Variants in ALLC observed in about 807,000 individuals in gnomAD.
ALLC encodes allantoicase, also known as probable inactive allantoicase.
ALLC carries 40 observed loss-of-function variants against 45.0 expected under a neutral mutation model. The ratio of observed to expected loss-of-function variants is 0.89; its 90% CI spans 0.69 to 1.16. The LOEUF (loss-of-function observed/expected upper bound fraction) is 1.16. ALLC is among the 50% of genes most tolerant of loss of function. The pLI, the probability that ALLC is intolerant of heterozygous loss-of-function variation, is 0.00. For synonymous variants in ALLC, 176 were observed against 178.1 expected, an observed-to-expected ratio of 0.99 and a Z score of 0.09; for missense variants, 488 against 493.1, an observed-to-expected ratio of 0.99 and a Z score of 0.10.
chr2:3,671,045 C>T, intron 1 of ALLC, 51 bp from the exon 2 acceptor site: 1 of 1,097,426 alleles, frequency 9.1e-7, no homozygotes, highest in South Asian at 1.4e-5. Flanking sequence ...GACGGGGCCT[C>T]ACTCACTCCC....
upstream of ALLC, among the ~76,000 whole-genome samples, chr2:3,655,799 A>T (rs1455382493): frequency 6.6e-6 from 1 of 152,156 alleles, no homozygotes; most frequent in East Asian, 1.9e-4. Flanking sequence ...AATTAAAGGG[A>T]CAGCATTAAG....
chr2:3,651,628 C>A, the ALLC span, among the ~76,000 whole-genome samples: 3 of 151,888 alleles, frequency 2.0e-5, no homozygotes, highest in East Asian at 5.9e-4. Context: ...ACCGAAAGAG[C>A]AGTCAGGAGA....
chr2:3,669,074 C>T (rs1210895862), intron 1 of ALLC, among the ~76,000 whole-genome samples: 1 of 152,078 alleles, frequency 6.6e-6, no homozygotes, highest in African/African-American at 2.4e-5. Flanking sequence ...CAGTGGCTCA[C>T]ACATGTAATC....
chr2:3,672,994 G>T (rs1037851477), intron 2 of ALLC, among the ~76,000 whole-genome samples: 4 of 140,336 alleles, frequency 2.9e-5, no homozygotes, highest in African/African-American at 1.0e-4. Context: ...CCTGTGACTG[G>T]CACAATGCCA....
chr2:3,681,290 A>C (rs1667171826), intron 5 of ALLC, among the ~76,000 whole-genome samples: 1 of 152,200 alleles, frequency 6.6e-6, no homozygotes, highest in Non-Finnish European at 1.5e-5. Flanking sequence ...TAAGGATGCC[A>C]CTGGGAGAGG....
chr2:3,680,120 A>G lies in ALLC; in HGVS notation c.298+126A>G, dbSNP rs1667137654. 5 of 1,328,786 alleles carry G rather than the reference A, an allele frequency of 3.8e-6. No homozygotes were observed. In the South Asian group the frequency reaches 6.7e-5, roughly 18 times the overall value. 82.3% of individuals were successfully genotyped at this position (1,328,786 alleles called of 1,614,324 possible). On this transcript the variant is annotated intron_variant, in intron 5 of 11. Transcript: ENST00000252505. This position sits in a 1 kb window ranked among gnomAD's most constrained non-coding sequence, Gnocchi z 4.0. ...CAGCTTCAGGCGCTTGACTAAGGCTACTTTACTGTAACGGGGCTGTAGGAC... is the reference window on the plus strand; with the variant it reads ...CAGCTTCAGGCGCTTGACTAAGGCTGCTTTACTGTAACGGGGCTGTAGGAC...
At chr2:3,659,236 T>C (rs1215307383) in intron 1 of ALLC, among the ~76,000 whole-genome samples, 1 of 152,176 alleles carries the variant, frequency 6.6e-6, no homozygotes, top group Non-Finnish European at 1.5e-5. Flanking sequence ...TCTCTCTTTC[T>C]TGTGCTTCCT....
chr2:3,702,612 T>G lies in ALLC; in HGVS notation c.*49T>G. On this transcript the variant is annotated 3_prime_UTR_variant, in exon 12 of 12. Coordinates refer to ENST00000252505, the MANE Select transcript of ALLC (RefSeq NM_018436.4). Reference sequence around the variant, plus strand: ...ACACACAGCAGTAATTTCCCAGTCATAGTCTTCTTTTCAAATGTTTTGAAC... The same window carrying G: ...ACACACAGCAGTAATTTCCCAGTCAGAGTCTTCTTTTCAAATGTTTTGAAC... The G allele has an allele frequency of 6.8e-7, 1 of 1,478,740 alleles. No individual in the cohort carries two copies. Among genetic ancestry groups the G allele is most frequent in the Non-Finnish European group, 9.0e-7 (1 of 1,111,738 alleles). The allele number at this position is 1,478,740 out of a possible 1,614,324, so 91.6% of individuals were successfully genotyped here.
In ALLC at chr2:3,696,241, GCAGTTTACCATTCAA is replaced by G; in HGVS notation, c.668-31_668-17del. 6.4e-7 allele frequency: 1 copy of G among 1,562,744 alleles called. No individual in the cohort carries two copies. The highest frequency in any genetic ancestry group is 8.8e-7 in the Non-Finnish European group (1 of 1,139,008). Reference sequence around the variant, plus strand: ...TATTCATCCTCATAGTTAAAATCATGCAGTTTACCATTCAACAATGTTATTTTCTGTAGGAGTTGG... The same window carrying G: ...TATTCATCCTCATAGTTAAAATCATGCAATGTTATTTTCTGTAGGAGTTGG... On this transcript the variant is annotated intron_variant, in intron 8 of 11. Transcript: ENST00000252505.
chr2:3,659,142 G>A (rs889951071), intron 1 of ALLC, among the ~76,000 whole-genome samples: 1 of 152,080 alleles, frequency 6.6e-6, no homozygotes, highest in East Asian at 1.9e-4. Flanking sequence ...TATTGACAGC[G>A]ATGACAAAGC....
chr2:3,646,429 C>G, the ALLC span, among the ~76,000 whole-genome samples: 1 of 152,352 alleles, frequency 6.6e-6, no homozygotes, highest in South Asian at 2.1e-4. Flanking sequence ...AGGCCTTTCA[C>G]AGTTCTTGAC....
At chr2:3,678,783 G>A (rs73140830) in intron 4 of ALLC, among the ~76,000 whole-genome samples, 3,529 of 152,314 alleles carry the variant, frequency 0.023, 124 homozygotes, top group African/African-American at 0.079. Flanking sequence ...GCACGTTGTC[G>A]GGAAAATGAA....
upstream of ALLC, among the ~76,000 whole-genome samples, chr2:3,657,067 C>G (rs1572499547): frequency 6.6e-6 from 1 of 152,184 alleles, no homozygotes; most frequent in East Asian, 1.9e-4. Context: ...AAAATACAGT[C>G]AGCTATGGAA....
chr2:3,701,651 T>C lies in ALLC; in HGVS notation c.975+15T>C, dbSNP rs761056348. 1.9e-6 allele frequency: 3 copies of C among 1,608,110 alleles called. No homozygotes were observed. The Admixed American group carries it at 5.0e-5, about 27-fold the overall frequency. On this transcript the variant is annotated intron_variant, in intron 11 of 11. Coordinates refer to ENST00000252505, the MANE Select transcript of ALLC (RefSeq NM_018436.4). ...CAGTGACCAAGGTTCGTGTGGCATG[T>C]TATTCGGATCCAGCACTCAGACTGT...
At chr2:3,679,437 C>T (rs1012704536) in intron 4 of ALLC, among the ~76,000 whole-genome samples, 21 of 152,316 alleles carry the variant, frequency 1.4e-4, no homozygotes, top group African/African-American at 5.1e-4. Context: ...ACCAGCTCTG[C>T]TTACTACCTG....
chr2:3,674,890 G>A (rs1486642278), intron 3 of ALLC, among the ~76,000 whole-genome samples: 1 of 152,138 alleles, frequency 6.6e-6, no homozygotes, highest in African/African-American at 2.4e-5. Context: ...TTTACCACAG[G>A]TCCGGTCTTT....
the ALLC span, among the ~76,000 whole-genome samples, chr2:3,649,741 G>C: frequency 6.6e-6 from 1 of 152,230 alleles, no homozygotes; most frequent in Non-Finnish European, 1.5e-5. Context: ...CAACACACCC[G>C]CACTCACACA....
intron 6 of ALLC, among the ~76,000 whole-genome samples, chr2:3,682,671 G>A (rs546540631): frequency 1.3e-4 from 20 of 152,104 alleles, no homozygotes; most frequent in East Asian, 5.8e-4. Context: ...GACTACAGGC[G>A]CCCGCCACCA....
At chr2:3,654,552 C>T (rs1251362909), upstream of ALLC, among the ~76,000 whole-genome samples, 1 of 152,224 alleles carries the variant, frequency 6.6e-6, no homozygotes, top group East Asian at 1.9e-4. Flanking sequence ...GCTAGTTCAT[C>T]TGACCCACAC....
Sources: gnomAD v4.1 joint callset for allele counts (sites outside exome capture counted in the v4.1 genomes callset) on GRCh38, gnomAD v4.1.1 for gene constraint, Gnocchi (gnomAD v3.1) non-coding constraint, MANE v1.5 for transcripts, NCBI Gene and HGNC (gene_info 2026-07-23, HGNC 2026-07-21) for gene names.